The following IQCE variants were observed in gnomAD, a reference collection of about 807,000 sequenced individuals.
The protein encoded by IQCE is IQ domain-containing protein E.
IQCE carries 115 observed loss-of-function variants against 96.0 expected under a neutral mutation model. The ratio of observed to expected loss-of-function variants is 1.20; its 90% CI spans 1.03 to 1.40. The LOEUF is 1.40. IQCE is among the 40% of genes most tolerant of loss of function. The pLI is 0.00. For synonymous variants in IQCE, 412 were observed against 371.2 expected (o/e 1.11, Z -1.26); for missense variants, 1,041 against 909.1 (o/e 1.15, Z -1.87).
intron 8 of IQCE, among the ~76,000 whole-genome samples, chr7:2,582,276 C>T (rs1279910178): frequency 6.6e-6 from 1 of 152,132 alleles, no homozygotes; most frequent in East Asian, 1.9e-4. Flanking sequence ...AAGGGCACAC[C>T]CTGCTCTGTC....
chr7:2,589,915 T>C lies in IQCE; in HGVS notation c.1053T>C (p.Ser351=), dbSNP rs578165640. Residue 351 remains serine, a synonymous_variant, in exon 14 of 22, where the codon AGT becomes AGC. Coordinates refer to ENST00000402050, the MANE Select transcript of IQCE (RefSeq NM_152558.5). ...GTCTGTGTTGCCTCCAGAAACTAAGTGTGATGGAGAGCTCAAAATCACACG... is the reference window on the plus strand; with the variant it reads ...GTCTGTGTTGCCTCCAGAAACTAAGCGTGATGGAGAGCTCAAAATCACACG... ...RRIVELEKKL[S]VMESSKSHAA... 48 of 1,613,756 alleles carry C rather than the reference T, an allele frequency of 3.0e-5. No individual in the cohort carries two copies. The East Asian group carries it at 8.7e-4, about 29-fold the overall frequency.
rs534377078 is a variant in IQCE, at chr7:2,577,609, C to T, written c.466-633C>T. On this transcript the variant is annotated intron_variant, in intron 6 of 21. Coordinates refer to ENST00000402050, the MANE Select transcript of IQCE (RefSeq NM_152558.5). ...CCGCATTGGCGTGTGCGTGGCTGTG[C>T]GCGCGGGGACGTGTGTGCGGCGTGC... 1.6e-3 allele frequency among the ~76,000 whole-genome samples: 161 copies of T among 99,544 alleles called. 1 individual carries two copies. The highest frequency in any genetic ancestry group is 6.3e-3 in the African/African-American group (148 of 23,524). The allele number at this position is 99,544 out of a possible 152,430, so 65.3% of individuals were successfully genotyped here.
intron 3 of IQCE, among the ~76,000 whole-genome samples, chr7:2,569,802 A>G (rs774935359): frequency 6.6e-6 from 1 of 152,218 alleles, no homozygotes; most frequent in Non-Finnish European, 1.5e-5. Flanking sequence ...AGAGAATATA[A>G]ACAAACTTTG....
intron 11 of IQCE, among the ~76,000 whole-genome samples, chr7:2,585,099 G>A (rs1191019874): frequency 6.7e-6 from 1 of 148,690 alleles, no homozygotes; most frequent in East Asian, 2.0e-4. Context: ...GCGGTGGTGT[G>A]ATCTCAGCTC....
At chr7:2,591,611 G>C (rs2917731) in intron 14 of IQCE, among the ~76,000 whole-genome samples, 1 of 150,006 alleles carries the variant, frequency 6.7e-6, no homozygotes, top group African/African-American at 2.5e-5. Context: ...TGGGATCTGC[G>C]GGTGATTTTT....
intron 9 of IQCE, among the ~76,000 whole-genome samples, chr7:2,582,897 A>G (rs954714540): frequency 9.9e-5 from 15 of 152,072 alleles, no homozygotes; most frequent in African/African-American, 2.9e-4. Context: ...GGACCCCTGT[A>G]TCTTTCCAGG....
At chr7:2,563,378 TG>T (rs1562615841) in intron 1 of IQCE, among the ~76,000 whole-genome samples, 20 of 100,388 alleles carry the variant, frequency 2.0e-4, no homozygotes, top group Admixed American at 5.1e-4. Flanking sequence ...TTTTTTGTTG[TG>T]TGTGTGTGTG....
At chr7:2,574,170 A>G (rs1781956841) in intron 6 of IQCE, among the ~76,000 whole-genome samples, 1 of 152,224 alleles carries the variant, frequency 6.6e-6, no homozygotes, top group Non-Finnish European at 1.5e-5. Flanking sequence ...CCCTGGAGAA[A>G]TCATCTGCGT....
rs1404370991 is a variant in IQCE at position 2,611,603 on chromosome 7, C to T, written c.*1441C>T. 1.3e-5 allele frequency: 2 copies of T among 152,196 alleles called. No individual in the cohort carries two copies. Among genetic ancestry groups the T allele is most frequent in the South Asian group, 2.1e-4 (1 of 4,828 alleles). 9.4% of individuals were successfully genotyped at this position (152,196 alleles called of 1,614,324 possible). A position where few individuals can be genotyped will look rare whatever the true frequency, so the allele number is the denominator to read the frequency against. ...GCTTGTGAAAGGGAGAGAGGAGGCT[C>T]TGCATGTCCACCTGCTCTATGGGAG... On this transcript the variant is annotated 3_prime_UTR_variant, in exon 22 of 22. Coordinates refer to ENST00000402050, the MANE Select transcript of IQCE (RefSeq NM_152558.5).
At chr7:2,582,464 C>G in intron 8 of IQCE, 116 bp from the exon 9 acceptor site, 1 of 832,662 alleles carries the variant, frequency 1.2e-6, no homozygotes, top group Non-Finnish European at 2.0e-6. Context: ...GAAGAGAGCA[C>G]AGCGCTGGAG....
At chr7:2,598,751 C>T (rs913140700) in intron 17 of IQCE, 119 bp downstream of exon 17, 11 of 862,914 alleles carry the variant, frequency 1.3e-5, no homozygotes, top group Non-Finnish European at 1.6e-5. Flanking sequence ...GGTGTCTGAG[C>T]ACCGTAACAT....
intron 20 of IQCE, 72 bp from the exon 21 acceptor site, chr7:2,607,052 G>A: frequency 3.7e-6 from 5 of 1,362,150 alleles, no homozygotes; most frequent in Non-Finnish European, 4.0e-6. Context: ...AATTACTGAG[G>A]CTGCTGTAAA....
Position 2,612,922 on chromosome 7 carries a change from A to G in IQCE, c.*2760A>G, listed in dbSNP as rs1443510937. On this transcript the variant is annotated 3_prime_UTR_variant, in exon 22 of 22. Transcript: ENST00000402050. Reference sequence around the variant, plus strand: ...GAAGTAGAGAGTGAGTCCCCAAGAAAGGGACTCCTGCCCCAGCGTCAAGTG... The same window carrying G: ...GAAGTAGAGAGTGAGTCCCCAAGAAGGGGACTCCTGCCCCAGCGTCAAGTG... 2 of 152,148 alleles carry G rather than the reference A, an allele frequency of 1.3e-5. No individual in the cohort carries two copies. The highest frequency in any genetic ancestry group is 2.9e-5 in the Non-Finnish European group (2 of 68,060). The allele number at this position is 152,148 out of a possible 1,614,324, so 9.4% of individuals were successfully genotyped here.
chr7:2,588,768 C>T (rs1783342366), intron 13 of IQCE, among the ~76,000 whole-genome samples: 1 of 138,874 alleles, frequency 7.2e-6, no homozygotes, highest in South Asian at 2.3e-4. Flanking sequence ...TGGGTTCAGG[C>T]AGTTCCCCTG....
chr7:2,584,140 G>A (rs923205989), intron 10 of IQCE, 96 bp from the exon 11 acceptor site: 12 of 1,080,450 alleles, frequency 1.1e-5, no homozygotes, highest in Non-Finnish European at 1.6e-5. Flanking sequence ...GCTTCTGGCC[G>A]TAGGCAGCGG....
chr7:2,604,807 G>A (rs1018636540), intron 18 of IQCE, 74 bp from the exon 19 acceptor site: 34 of 1,014,378 alleles, frequency 3.4e-5, no homozygotes, highest in South Asian at 1.5e-4. Flanking sequence ...CTCTCTCCTC[G>A]GCGCCTCCCT....
intron 1 of IQCE, among the ~76,000 whole-genome samples, chr7:2,561,597 A>G (rs1413877396): frequency 2.0e-5 from 3 of 151,442 alleles, no homozygotes; most frequent in African/African-American, 7.3e-5. Context: ...ATTTTTTTGT[A>G]TTTTTGGTAG....
rs3735114 is a variant in IQCE, at chr7:2,612,005, A to G, written c.*1843A>G. ...AGCTTCAGGTCCTAGGAGCCAGTCC[A>G]CCTCGAAAGCCCTGAGAAAGTGAGA... On this transcript the variant is annotated 3_prime_UTR_variant, in exon 22 of 22. Transcript: ENST00000402050. 0.48 allele frequency: 72,139 copies of G among 151,752 alleles called. 17,623 individuals are homozygous for G. The highest frequency in any genetic ancestry group is 0.57 in the African/African-American group (23,429 of 41,362). The allele number at this position is 151,752 out of a possible 1,614,324, so 9.4% of individuals were successfully genotyped here.
chr7:2,610,021 C>T (rs1487343545), intron 21 of IQCE, 23 bp from the exon 22 acceptor site: 6 of 1,354,780 alleles, frequency 4.4e-6, no homozygotes, highest in East Asian at 2.3e-5. Context: ...GCTGACCCCT[C>T]TCCCTGTGGT....
Sources: allele counts gnomAD v4.1 joint callset (sites outside exome capture counted in the v4.1 genomes callset), GRCh38; gene constraint gnomAD v4.1.1; transcripts MANE v1.5; gene names NCBI Gene and HGNC (gene_info 2026-07-23, HGNC 2026-07-21).